Variants in ABI3BP observed in about 807,000 individuals in gnomAD.
The protein encoded by ABI3BP is target of Nesh-SH3.
In ABI3BP, 216 loss-of-function variants were observed where a neutral mutation model predicts 268.6. That is an observed-to-expected ratio of 0.80 (90% CI 0.72 to 0.90). The LOEUF is 0.90. ABI3BP is among the 40% of genes least tolerant of loss of function. The pLI is 0.00. For synonymous variants in ABI3BP, 730 were observed against 730.0 expected (o/e 1.00, Z 0.00); for missense variants, 2,090 against 2,182.4 (o/e 0.96, Z 0.84).
intron 6 of ABI3BP, among the ~76,000 whole-genome samples, chr3:100,877,803 A>T (rs913235921): frequency 1.3e-5 from 2 of 152,206 alleles, no homozygotes; most frequent in Non-Finnish European, 2.9e-5. Context: ...GCTGAATATG[A>T]GCTGCTTACC....
rs1227599484 is a variant in ABI3BP at position 100,875,526 on chromosome 3, G to T, written c.799C>A (p.Leu267Met). The T allele has an allele frequency of 6.2e-7, 1 of 1,612,716 alleles. No homozygotes were observed. Among genetic ancestry groups the T allele is most frequent in the Non-Finnish European group, 8.5e-7 (1 of 1,178,746 alleles). Residue 267 changes from leucine (L) to methionine (M), a missense_variant, in exon 8 of 68, where the codon CTG (leucine) becomes ATG (methionine). By Grantham distance (15) the Leu-to-Met change is conservative (BLOSUM62 2). Transcript: ENST00000471714. ...CACTCACCTAGTATCACTCCTCCCA[G>T]TGGAGCTTTTTCTGGGGATTTAGCT... ...DSAKSPEKAP[L>M]GGVILVHLII...
chr3:100,780,619 A>G (rs1207584422), intron 57 of ABI3BP, among the ~76,000 whole-genome samples: 1 of 152,082 alleles, frequency 6.6e-6, no homozygotes, highest in Non-Finnish European at 1.5e-5. Context: ...AAAAACCCAC[A>G]CACATACACC....
intron 14 of ABI3BP, among the ~76,000 whole-genome samples, chr3:100,860,389 C>T (rs2098984749): frequency 6.6e-6 from 1 of 152,192 alleles, no homozygotes; most frequent in Non-Finnish European, 1.5e-5. Context: ...GTTGGAAGTT[C>T]TCTGGCGACC....
At chr3:100,854,294 G>A (rs1215163597) in intron 14 of ABI3BP, among the ~76,000 whole-genome samples, 2 of 151,940 alleles carry the variant, frequency 1.3e-5, no homozygotes, top group Non-Finnish European at 2.9e-5. Context: ...GGGAGGCAGA[G>A]CCTGCAGTGA....
In ABI3BP at chr3:100,878,615, A is replaced by T. The variant is rs111815537; in HGVS notation, c.697-2055T>A. Among the ~76,000 whole-genome samples, 1,209 of 152,318 alleles carry T rather than the reference A, an allele frequency of 7.9e-3. 15 individuals carry two copies. Among genetic ancestry groups the T allele is most frequent in the Non-Finnish European group, 0.011 (773 of 68,026 alleles). ...GGGGGATAAAAAATACCAAACTCTC[A>T]GCTTTGCAGTTATATGGGCAGGAGG... is the stretch of plus-strand genomic sequence containing the variant. On this transcript the variant is annotated intron_variant, in intron 6 of 67. Coordinates refer to ENST00000471714, the MANE Select transcript of ABI3BP (RefSeq NM_001375547.2).
intron 6 of ABI3BP, among the ~76,000 whole-genome samples, chr3:100,882,724 C>T (rs1056505902): frequency 4.0e-5 from 6 of 151,892 alleles, no homozygotes; most frequent in South Asian, 2.1e-4. Flanking sequence ...GAGAGTAAAA[C>T]GTCAATCATC....
chr3:100,792,383 G>C (rs1044730691), intron 55 of ABI3BP, among the ~76,000 whole-genome samples: 2 of 151,644 alleles, frequency 1.3e-5, no homozygotes, highest in African/African-American at 4.8e-5. Context: ...TTATTTATCA[G>C]ATATGGAAAA....
chr3:100,937,465 T>C (rs1395633423), intron 1 of ABI3BP, among the ~76,000 whole-genome samples: 1 of 151,988 alleles, frequency 6.6e-6, no homozygotes, highest in Non-Finnish European at 1.5e-5. Flanking sequence ...TATAATGAGA[T>C]ATAGCTCAGC....
chr3:100,786,473 A>C (rs1293252292), intron 57 of ABI3BP, among the ~76,000 whole-genome samples: 2 of 152,180 alleles, frequency 1.3e-5, no homozygotes, highest in Non-Finnish European at 2.9e-5. Flanking sequence ...TCCCTGAGAG[A>C]TAATTGCATG....
At chr3:100,815,657 C>T (rs1038295157) in intron 44 of ABI3BP, among the ~76,000 whole-genome samples, 37 of 152,212 alleles carry the variant, frequency 2.4e-4, no homozygotes, top group Middle Eastern at 3.4e-3. Context: ...ATTTGGACCT[C>T]AGATTTAACA....
intron 9 of ABI3BP, among the ~76,000 whole-genome samples, chr3:100,867,262 T>C (rs527270632): frequency 2.0e-5 from 3 of 152,170 alleles, no homozygotes; most frequent in African/African-American, 7.2e-5. Flanking sequence ...GATTGATAAA[T>C]AGAATTTCTG....
chr3:100,876,022 A>AT (rs772488467), intron 7 of ABI3BP, among the ~76,000 whole-genome samples: 21 of 152,272 alleles, frequency 1.4e-4, no homozygotes, highest in South Asian at 6.2e-4. Context: ...ATGAAGAACT[A>AT]TTTTTTTAAG....
chr3:100,809,783 C>A (rs549684603), intron 49 of ABI3BP, among the ~76,000 whole-genome samples: 1 of 152,056 alleles, frequency 6.6e-6, no homozygotes, highest in African/African-American at 2.4e-5. Flanking sequence ...CTTTTTAAAA[C>A]AAGAAGCATA....
intron 45 of ABI3BP, among the ~76,000 whole-genome samples, chr3:100,813,139 CCAAAGT>C (rs1414891566): frequency 6.6e-6 from 1 of 152,142 alleles, no homozygotes; most frequent in Non-Finnish European, 1.5e-5. Context: ...CCTTGGCCTA[CCAAAGT>C]GTTGGGATTA....
chr3:100,819,307 T>C (rs183269461), intron 40 of ABI3BP, among the ~76,000 whole-genome samples: 165 of 152,336 alleles, frequency 1.1e-3, no homozygotes, highest in Admixed American at 3.2e-3. Flanking sequence ...TCTCTTCATC[T>C]TTAAGATTTT....
intron 17 of ABI3BP, among the ~76,000 whole-genome samples, chr3:100,849,345 T>A (rs2098812774): frequency 6.6e-6 from 1 of 151,536 alleles, no homozygotes; most frequent in Admixed American, 6.6e-5. Context: ...TGCCTCAGCG[T>A]CCTGAGTAGC....
At chr3:100,985,855 G>A (rs1444102911) in intron 1 of ABI3BP, among the ~76,000 whole-genome samples, 1 of 152,218 alleles carries the variant, frequency 6.6e-6, no homozygotes, top group African/African-American at 2.4e-5. Context: ...GAAGTTGACG[G>A]AGTTTTAATG....
intron 40 of ABI3BP, among the ~76,000 whole-genome samples, chr3:100,820,001 A>G (rs1360004114): frequency 6.6e-6 from 1 of 151,954 alleles, no homozygotes; most frequent in East Asian, 1.9e-4. Flanking sequence ...ACACAGTAAG[A>G]GACAGACCTA....
chr3:100,780,575 AT>A (rs1338830772), intron 57 of ABI3BP, among the ~76,000 whole-genome samples: 5 of 151,750 alleles, frequency 3.3e-5, no homozygotes, highest in African/African-American at 9.7e-5. Flanking sequence ...TTCAAAAAAA[AT>A]TTTTTTCTTC....
Sources: allele counts gnomAD v4.1 joint callset (sites outside exome capture counted in the v4.1 genomes callset), GRCh38; gene constraint gnomAD v4.1.1; transcripts MANE v1.5; gene names NCBI Gene and HGNC (gene_info 2026-07-23, HGNC 2026-07-21).